TRIP13: variants seen among roughly 807,000 people sequenced by gnomAD.
TRIP13 encodes the protein pachytene checkpoint protein 2 homolog.
In TRIP13, 25 loss-of-function variants were observed where a neutral mutation model predicts 54.4. The observed-to-expected ratio is 0.46, with a 90% CI of 0.33 to 0.64. TRIP13 has a LOEUF of 0.64. Among genes scored for constraint, TRIP13 ranks in the 30% least tolerant of loss-of-function variants. The probability of loss-of-function intolerance (pLI) is 0.02; values close to 1 mark genes in which losing one functional copy is unlikely to be tolerated. For missense variants in TRIP13, 373 were observed against 534.2 expected, an observed-to-expected ratio of 0.70 and a Z score of 2.97; for synonymous variants, 207 against 207.8, an observed-to-expected ratio of 1.00 and a Z score of 0.03.
At chr5:903,089 C>G (rs539658339) in intron 5 of TRIP13, among the ~76,000 whole-genome samples, 1 of 152,232 alleles carries the variant, frequency 6.6e-6, no homozygotes, top group East Asian at 1.9e-4. Context: ...TGACTAATGT[C>G]AGGCCCTCCA....
chr5:892,906 C>T lies in TRIP13; in HGVS notation c.-93C>T, dbSNP rs564284884. Reference sequence around the variant, plus strand: ...GGCAGATTCGAAGCTAGGGCGGGGCCCGCGGGCTGAGGCAGCGGCTGTGGC... The same window carrying T: ...GGCAGATTCGAAGCTAGGGCGGGGCTCGCGGGCTGAGGCAGCGGCTGTGGC... On this transcript the variant is annotated 5_prime_UTR_variant, in exon 1 of 13. Coordinates refer to ENST00000166345, the MANE Select transcript of TRIP13 (RefSeq NM_004237.4). 145 of 1,268,546 alleles carry T rather than the reference C, an allele frequency of 1.1e-4. 1 individual carries two copies. The South Asian group carries it at 2.2e-3, about 19-fold the overall frequency. 78.6% of individuals were successfully genotyped at this position (1,268,546 alleles called of 1,614,324 possible). A position where few individuals can be genotyped will look rare whatever the true frequency, so the allele number is the denominator to read the frequency against.
At position 901,412 on chromosome 5, in the gene TRIP13, C is replaced by T. The variant is rs111928171; in HGVS notation, c.516C>T (p.Asn172=). ...KNVNSNLITW[N]RVVLLHGPPG... is the part of the protein sequence containing the mutation. Reference sequence around the variant, plus strand: ...TCAACAGCAACCTCATCACCTGGAACCGGGTGGTGCTGCTCCACGGTAAAT... The same window carrying T: ...TCAACAGCAACCTCATCACCTGGAATCGGGTGGTGCTGCTCCACGGTAAAT... Residue 172 remains asparagine, a synonymous_variant, in exon 5 of 13, where the codon AAC becomes AAT. Coordinates refer to ENST00000166345, the MANE Select transcript of TRIP13 (RefSeq NM_004237.4). The T allele has an allele frequency of 5.3e-4, 852 of 1,614,170 alleles. 2 individuals carry two copies. Among genetic ancestry groups the T allele is most frequent in the Non-Finnish European group, 6.7e-4 (796 of 1,180,010 alleles).
rs1295930914 is a variant in TRIP13 at position 917,132 on chromosome 5, C to T, written c.*29C>T. The T allele has an allele frequency of 3.7e-6, 6 of 1,609,002 alleles. No homozygotes were observed. The highest frequency in any genetic ancestry group is 5.1e-6 in the Non-Finnish European group (6 of 1,176,392). ...TGGGCTTCCCCATCTGGTGCTTTTC[C>T]CATGGAGAACACACAACCAGTAAGT... is the stretch of plus-strand genomic sequence containing the variant. On this transcript the variant is annotated 3_prime_UTR_variant, in exon 13 of 13. Transcript: ENST00000166345.
At chr5:914,382 G>A in intron 10 of TRIP13, 83 bp from the exon 11 acceptor site, 1 of 893,944 alleles carries the variant, frequency 1.1e-6, no homozygotes, top group South Asian at 1.4e-5. Flanking sequence ...CATTTGACCT[G>A]CAGGTGCTGT....
At position 896,814 on chromosome 5, in the gene TRIP13, T is replaced by C; in HGVS notation, c.388+20T>C. ...CTGCAGGTATGGGGTGTGATGGGAG[T>C]TGAAGGGGAGGCTGAGGTCAGAGGA... On this transcript the variant is annotated intron_variant, in intron 3 of 12. Coordinates refer to ENST00000166345, the MANE Select transcript of TRIP13 (RefSeq NM_004237.4). 6.2e-7 allele frequency: 1 copy of C among 1,609,496 alleles called. No individual in the cohort carries two copies. The highest frequency in any genetic ancestry group is 8.5e-7 in the Non-Finnish European group (1 of 1,177,572).
rs542329018 is a variant in TRIP13, at chr5:910,949, G to T, written c.867-894G>T. Among the ~76,000 whole-genome samples, 32 of 152,342 alleles carry T rather than the reference G, an allele frequency of 2.1e-4. No individual in the cohort carries two copies. The South Asian group carries it at 6.6e-3, about 32-fold the overall frequency. ...CAGGGCCTGCCCTCCCTTGGCCAGG[G>T]TCTAGGTGAAGTTGACCTTCCCCAG... is the stretch of plus-strand genomic sequence containing the variant. On this transcript the variant is annotated intron_variant, in intron 9 of 12. Coordinates refer to ENST00000166345, the MANE Select transcript of TRIP13 (RefSeq NM_004237.4).
intron 2 of TRIP13, among the ~76,000 whole-genome samples, chr5:895,872 T>C (rs1025839990): frequency 3.3e-5 from 5 of 152,236 alleles, no homozygotes; most frequent in African/African-American, 1.2e-4. Context: ...ATTTGAAATA[T>C]TTTAACTGTC....
rs1419503017 is a variant in TRIP13 at position 907,948 on chromosome 5, G to A, written c.673-40G>A. The A allele has an allele frequency of 1.4e-5, 23 of 1,599,656 alleles. No homozygotes were observed. The highest frequency in any genetic ancestry group is 1.9e-5 in the Non-Finnish European group (22 of 1,166,736). ...GTCCCCCTGTGCACCTGGCAGTGTG[G>A]TCCCTGCACGTTGACACTAAAAGGG... On this transcript the variant is annotated intron_variant, in intron 7 of 12. Transcript: ENST00000166345. The surrounding 1 kb of genome is among the most constrained non-coding windows in gnomAD (Gnocchi z 4.1).
intron 5 of TRIP13, among the ~76,000 whole-genome samples, chr5:903,788 A>C (rs1353335602): frequency 6.6e-6 from 1 of 152,186 alleles, no homozygotes; most frequent in East Asian, 1.9e-4. Context: ...GATTTCATAA[A>C]GGAAGAGTGG....
Position 908,273 on chromosome 5 carries a change from G to T in TRIP13, c.760-82G>T. 4 of 1,513,496 alleles carry T rather than the reference G, an allele frequency of 2.6e-6. No individual in the cohort carries two copies. The highest frequency in any genetic ancestry group is 1.8e-6 in the Non-Finnish European group (2 of 1,100,498). 93.8% of individuals were successfully genotyped at this position (1,513,496 alleles called of 1,614,324 possible). A position where few individuals can be genotyped will look rare whatever the true frequency, so the allele number is the denominator to read the frequency against. On this transcript the variant is annotated intron_variant, in intron 8 of 12. Coordinates refer to ENST00000166345, the MANE Select transcript of TRIP13 (RefSeq NM_004237.4). This position sits in a 1 kb window ranked among gnomAD's most constrained non-coding sequence, Gnocchi z 5.2. The stretch of plus-strand genomic sequence containing the variant: ...ACACCCATTCATTCATCTTTTTCAC[G>T]TGCTCAGCGGGACGTATCCCCATAG...
chr5:917,410 G>A lies in TRIP13; in HGVS notation c.*307G>A, dbSNP rs993456598. On this transcript the variant is annotated 3_prime_UTR_variant, in exon 13 of 13. Transcript: ENST00000166345. ...TTCCCAGCCCACCCCCAGTGGATGG[G>A]ATGCATAATGCCAGCAAGTTTTGTT... 1 of 259,330 alleles carries A rather than the reference G, an allele frequency of 3.9e-6. No homozygotes were observed. Among genetic ancestry groups the A allele is most frequent in the South Asian group, 7.3e-5 (1 of 13,674 alleles). The allele number at this position is 259,330 out of a possible 1,614,324, so 16.1% of individuals were successfully genotyped here. A position where few individuals can be genotyped will look rare whatever the true frequency, so the allele number is the denominator to read the frequency against.
chr5:915,923 G>A lies in TRIP13; in HGVS notation c.1153G>A (p.Gly385Ser), dbSNP rs1297219088. The A allele has an allele frequency of 2.5e-6, 4 of 1,613,966 alleles. No individual in the cohort carries two copies. The Admixed American group carries it at 5.0e-5, about 20-fold the overall frequency. The change falls in exon 12 of 13, where the codon GGC becomes AGC. Residue 385 changes from glycine (G) to serine (S), a missense_variant. Around this residue, in one of 4 missense-constraint regions of TRIP13, gnomAD observed 101 missense variants for 138.5 expected, o/e 0.73. Coordinates refer to ENST00000166345, the MANE Select transcript of TRIP13 (RefSeq NM_004237.4). The surrounding 1 kb of genome is among the most constrained non-coding windows in gnomAD (Gnocchi z 4.2). ...DISRKSEGLSGRVLRKLPFLA... is the reference protein window; with the variant it reads ...DISRKSEGLSSRVLRKLPFLA... Reference sequence around the variant, plus strand: ...ACACAGGAAGAGCGAGGGCCTCAGCGGCCGGGTCCTGAGAAAACTCCCCTT... The same window carrying A: ...ACACAGGAAGAGCGAGGGCCTCAGCAGCCGGGTCCTGAGAAAACTCCCCTT...
chr5:903,639 C>A (rs1754044121), intron 5 of TRIP13, among the ~76,000 whole-genome samples: 1 of 152,058 alleles, frequency 6.6e-6, no homozygotes, highest in Admixed American at 6.6e-5. Context: ...TCTGCCTCTT[C>A]TAGTATGGGG....
In TRIP13 at chr5:901,488, T is replaced by G. The variant is rs1444003470; in HGVS notation, c.535+57T>G. On this transcript the variant is annotated intron_variant, in intron 5 of 12. Transcript: ENST00000166345. ...AAGTGGCATGAAATTTAGCCTTTAC[T>G]TGTACCTTCGTCCTTCTGCAAGGAG... 6.4e-6 allele frequency: 10 copies of G among 1,551,228 alleles called. No individual in the cohort carries two copies. The African/African-American group carries it at 1.2e-4, about 19-fold the overall frequency.
chr5:913,814 C>G lies in TRIP13; in HGVS notation c.1021-651C>G, dbSNP rs1261545150. ...CCCCTCAACAAACCTCCAAAATGTT[C>G]AGACAATGCTATTTTCTTCCTTCTC... On this transcript the variant is annotated intron_variant, in intron 10 of 12. Coordinates refer to ENST00000166345, the MANE Select transcript of TRIP13 (RefSeq NM_004237.4). This position sits in a 1 kb window ranked among gnomAD's most constrained non-coding sequence, Gnocchi z 4.5. Among the ~76,000 whole-genome samples, 1 of 152,152 alleles carries G rather than the reference C, an allele frequency of 6.6e-6. No homozygotes were observed. Among genetic ancestry groups the G allele is most frequent in the Non-Finnish European group, 1.5e-5 (1 of 68,034 alleles).
intron 1 of TRIP13, among the ~76,000 whole-genome samples, chr5:893,922 A>G (rs1753797739): frequency 6.6e-6 from 1 of 152,126 alleles, no homozygotes; most frequent in African/African-American, 2.4e-5. Context: ...ACCTGTACAC[A>G]GTGCCACCGC....
At chr5:896,554 A>T in intron 2 of TRIP13, 111 bp from the exon 3 acceptor site, 1 of 1,184,826 alleles carries the variant, frequency 8.4e-7, no homozygotes, top group African/African-American at 1.5e-5. Flanking sequence ...ACTAGCTTTG[A>T]TTATACTGTA....
intron 5 of TRIP13, among the ~76,000 whole-genome samples, chr5:901,748 G>A (rs1438450874): frequency 6.6e-6 from 1 of 152,028 alleles, no homozygotes; most frequent in African/African-American, 2.4e-5. Flanking sequence ...TCAGCCTCCC[G>A]AGTAGCTGGG....
chr5:909,122 CCCCTGCTCG>C (rs1754177982), intron 9 of TRIP13, among the ~76,000 whole-genome samples: 1 of 152,250 alleles, frequency 6.6e-6, no homozygotes, highest in Admixed American at 6.5e-5. Flanking sequence ...GAATGGCTGT[CCCCTGCTCG>C]CCCTGCTGGC....
Sources: allele counts gnomAD v4.1 joint callset (sites outside exome capture counted in the v4.1 genomes callset), GRCh38; gene constraint gnomAD v4.1.1; regional missense constraint gnomAD v4.1.1; non-coding constraint Gnocchi (gnomAD v3.1); transcripts MANE v1.5; gene names NCBI Gene and HGNC (gene_info 2026-07-23, HGNC 2026-07-21).